Variants in RBFOX3 observed in about 807,000 individuals in gnomAD.
The protein encoded by RBFOX3 is RNA binding fox-1 homolog 3.
In RBFOX3, 17 loss-of-function variants were observed where a neutral mutation model predicts 48.7. That is an observed-to-expected ratio of 0.35 (90% CI 0.24 to 0.52). The LOEUF is 0.52. Ranked by LOEUF, RBFOX3 falls within the 20% of genes least tolerant of loss-of-function variation. The pLI is 0.94. For missense variants in RBFOX3, 382 were observed against 497.5 expected (o/e 0.77, Z 2.21); for synonymous variants, 212 against 209.5 (o/e 1.01, Z -0.10).
At chr17:79,545,827 G>C (rs868993259) in intron 1 of RBFOX3, among the ~76,000 whole-genome samples, 2 of 152,138 alleles carry the variant, frequency 1.3e-5, no homozygotes, top group African/African-American at 2.4e-5. Context: ...AGACACACCC[G>C]TGCACACTCA....
chr17:79,454,097 C>A (rs1555743261), intron 2 of RBFOX3, among the ~76,000 whole-genome samples: 1 of 152,096 alleles, frequency 6.6e-6, no homozygotes, highest in South Asian at 2.1e-4. Context: ...GGAGGCAATG[C>A]CGTCTGGAGC....
chr17:79,633,421 C>T, the RBFOX3 span, among the ~76,000 whole-genome samples: 112 of 152,344 alleles, frequency 7.4e-4, no homozygotes, highest in Middle Eastern at 6.8e-3. Context: ...GAACACAGAA[C>T]GCGTGTCCAC....
At chr17:79,123,479 C>A (rs1219297269) in intron 4 of RBFOX3, among the ~76,000 whole-genome samples, 2 of 152,034 alleles carry the variant, frequency 1.3e-5, no homozygotes, top group Non-Finnish European at 2.9e-5. Flanking sequence ...CCTCTGCCCC[C>A]AGAACTAGTC....
At chr17:79,210,101 T>TGA (rs1211236588) in intron 4 of RBFOX3, among the ~76,000 whole-genome samples, 1 of 152,178 alleles carries the variant, frequency 6.6e-6, no homozygotes, top group Non-Finnish European at 1.5e-5. Flanking sequence ...GCTCAGCTTC[T>TGA]GCCCTGGCTA....
rs1408066036 is a variant in RBFOX3, at chr17:79,252,568, G to C, written c.-73-16763C>G. 1.3e-5 allele frequency among the ~76,000 whole-genome samples: 2 copies of C among 152,184 alleles called. No homozygotes were observed. The highest frequency in any genetic ancestry group is 4.8e-5 in the African/African-American group (2 of 41,444). On this transcript the variant is annotated intron_variant, in intron 3 of 14. Transcript: ENST00000693108. This position sits in a 1 kb window ranked among gnomAD's most constrained non-coding sequence, Gnocchi z 4.0. ...GGACTCTCCCTCGGAAATGAGCTCT[G>C]ATGGTTCCTCGATGGTAAACCAGTG...
chr17:79,598,138 C>T (rs938116330), intron 1 of RBFOX3: 1 of 152,294 alleles, frequency 6.6e-6, no homozygotes, highest in African/African-American at 2.4e-5. Context: ...CTTCCAATAA[C>T]ATTGCCTGGG....
intron 4 of RBFOX3, among the ~76,000 whole-genome samples, chr17:79,187,529 G>C (rs1339437245): frequency 6.6e-6 from 1 of 152,174 alleles, no homozygotes; most frequent in Non-Finnish European, 1.5e-5. Context: ...CCTGGGCTTG[G>C]GCATGAGCAC....
chr17:79,118,565 GCCCTGCAGA>G (rs1169047535), intron 4 of RBFOX3, among the ~76,000 whole-genome samples: 2 of 152,124 alleles, frequency 1.3e-5, no homozygotes, highest in African/African-American at 2.4e-5. Flanking sequence ...CAGCGTGAGG[GCCCTGCAGA>G]CACAGGGGAG....
intron 2 of RBFOX3, among the ~76,000 whole-genome samples, chr17:79,458,801 C>T (rs367867867): frequency 2.1e-4 from 32 of 152,144 alleles, no homozygotes; most frequent in African/African-American, 7.0e-4. Flanking sequence ...GCCCTCACCC[C>T]TGCCACAGGA....
In RBFOX3 at chr17:79,362,742, G is replaced by C. The variant is rs556019630; in HGVS notation, c.-174-54918C>G. 3.3e-5 allele frequency among the ~76,000 whole-genome samples: 5 copies of C among 152,324 alleles called. No individual in the cohort carries two copies. In the East Asian group the frequency reaches 7.7e-4, roughly 24 times the overall value. ...CAGGCTCATTAGAGACCATGGGATGGGGCCTCCGAGGAGCTCTGGGACTGC... is the reference window on the plus strand; with the variant it reads ...CAGGCTCATTAGAGACCATGGGATGCGGCCTCCGAGGAGCTCTGGGACTGC... On this transcript the variant is annotated intron_variant, in intron 2 of 14. Coordinates refer to ENST00000693108, the MANE Select transcript of RBFOX3 (RefSeq NM_001350451.2). This position sits in a 1 kb window ranked among gnomAD's most constrained non-coding sequence, Gnocchi z 4.2.
chr17:79,223,916 AAGGCAAAGGTGTGTATATTGGG>A (rs931160311), intron 4 of RBFOX3, among the ~76,000 whole-genome samples: 1 of 152,164 alleles, frequency 6.6e-6, no homozygotes, highest in African/African-American at 2.4e-5. Flanking sequence ...CAAGAGGAAC[AAGGCAAAGGTGTGTATATTGGG>A]AGGCAAAGGT....
rs993787100 is a variant in RBFOX3 at position 79,204,288 on chromosome 17, C to A, written c.-34+31478G>T. ...ACACCAGTGGACGCCGGGGAGCGGA[C>A]ACACACCAGCGGGCGCCGGGGAGCG... On this transcript the variant is annotated intron_variant, in intron 4 of 14. Transcript: ENST00000693108. The surrounding 1 kb of genome is among the most constrained non-coding windows in gnomAD (Gnocchi z 4.5). 2.0e-5 allele frequency among the ~76,000 whole-genome samples: 3 copies of A among 151,896 alleles called. No homozygotes were observed. Among genetic ancestry groups the A allele is most frequent in the African/African-American group, 7.3e-5 (3 of 41,306 alleles).
At chr17:79,110,326 C>T (rs1450232961) in intron 5 of RBFOX3, among the ~76,000 whole-genome samples, 3 of 152,102 alleles carry the variant, frequency 2.0e-5, no homozygotes, top group African/African-American at 4.8e-5. Flanking sequence ...TGCCACACAG[C>T]ACCTCCCACT....
intron 3 of RBFOX3, among the ~76,000 whole-genome samples, chr17:79,265,681 C>T (rs2066571018): frequency 6.6e-6 from 1 of 152,238 alleles, no homozygotes; most frequent in Non-Finnish European, 1.5e-5. Context: ...TTCCGAATGC[C>T]TTTCAAGATC....
At chr17:79,511,078 G>A (rs895720303) in intron 1 of RBFOX3, among the ~76,000 whole-genome samples, 1 of 152,172 alleles carries the variant, frequency 6.6e-6, no homozygotes, top group Admixed American at 6.5e-5. Context: ...GAAAGGCTCT[G>A]CCAGGACTGT....
chr17:79,255,599 C>T (rs1409088728), intron 3 of RBFOX3, among the ~76,000 whole-genome samples: 2 of 152,076 alleles, frequency 1.3e-5, no homozygotes, highest in African/African-American at 2.4e-5. Flanking sequence ...GACACTCCAT[C>T]TTCCCCTGGC....
chr17:79,296,272 G>A lies in RBFOX3; in HGVS notation c.-74+11452C>T, dbSNP rs921947832. On this transcript the variant is annotated intron_variant, in intron 3 of 14. Transcript: ENST00000693108. ...AAAAGAAAATTTTAACCCCCACCCCGCAAAAAGGCACAAACAGACACACAC... is the reference window on the plus strand; with the variant it reads ...AAAAGAAAATTTTAACCCCCACCCCACAAAAAGGCACAAACAGACACACAC... Among the ~76,000 whole-genome samples the A allele has an allele frequency of 4.7e-5, 7 of 150,322 alleles. No homozygotes were observed. The East Asian group carries it at 1.2e-3, about 25-fold the overall frequency.
chr17:79,272,654 T>C lies in RBFOX3; in HGVS notation c.-74+35070A>G, dbSNP rs184393768. On this transcript the variant is annotated intron_variant, in intron 3 of 14. Coordinates refer to ENST00000693108, the MANE Select transcript of RBFOX3 (RefSeq NM_001350451.2). ...CGCTCCAACTGCCCCCTTTGGGGAC[T>C]TCCCTGTTGTTGGTGAAATTGTTTA... 2.8e-3 allele frequency among the ~76,000 whole-genome samples: 421 copies of C among 152,294 alleles called. 1 individual carries two copies. Among genetic ancestry groups the C allele is most frequent in the African/African-American group, 9.8e-3 (406 of 41,568 alleles).
chr17:79,522,218 T>A (rs1239756362), intron 1 of RBFOX3, among the ~76,000 whole-genome samples: 1 of 152,230 alleles, frequency 6.6e-6, no homozygotes, highest in Non-Finnish European at 1.5e-5. Flanking sequence ...TCTCTGGTGC[T>A]GTTTTTCTGG....
Sources: gnomAD v4.1 joint callset for allele counts (sites outside exome capture counted in the v4.1 genomes callset) on GRCh38, gnomAD v4.1.1 for gene constraint, Gnocchi (gnomAD v3.1) non-coding constraint, MANE v1.5 for transcripts, NCBI Gene and HGNC (gene_info 2026-07-23, HGNC 2026-07-21) for gene names.